TENM2: variants seen among roughly 807,000 people sequenced by gnomAD.
TENM2 encodes teneurin-2.
In TENM2, 52 loss-of-function variants were observed where a neutral mutation model predicts 245.2. That is an observed-to-expected ratio of 0.21 (90% CI 0.17 to 0.27). TENM2 has a LOEUF of 0.27. Ranked by LOEUF, TENM2 falls within the 10% of genes least tolerant of loss-of-function variation. TENM2 has a pLI of 1.00. For missense variants in TENM2, 3,046 were observed against 3,666.8 expected (o/e 0.83, Z 4.37); for synonymous variants, 1,363 against 1,438.9 (o/e 0.95, Z 1.19).
chr5:167,810,261 C>T (rs1040934253), intron 2 of TENM2, among the ~76,000 whole-genome samples: 1 of 151,994 alleles, frequency 6.6e-6, no homozygotes, highest in Non-Finnish European at 1.5e-5. Flanking sequence ...GACTCTGACA[C>T]TAATAGTATT....
chr5:167,640,880 T>TATATATATATATATCC (rs1779545432), intron 2 of TENM2, among the ~76,000 whole-genome samples: 1 of 62,966 alleles, frequency 1.6e-5, no homozygotes, highest in African/African-American at 1.2e-4. Context: ...TATATATATA[T>TATATATATATATATCC]ATATATATAT....
intron 2 of TENM2, among the ~76,000 whole-genome samples, chr5:167,593,596 C>T (rs1235159994): frequency 2.0e-5 from 3 of 152,150 alleles, no homozygotes; most frequent in East Asian, 1.9e-4. Flanking sequence ...TCTACCTATC[C>T]GGTAAGAGAA....
intron 4 of TENM2, among the ~76,000 whole-genome samples, chr5:167,959,949 C>G (rs1182614224): frequency 1.3e-5 from 2 of 152,174 alleles, no homozygotes; most frequent in African/African-American, 4.8e-5. Flanking sequence ...TCCAGTCAGG[C>G]CCCTCAGCTG....
chr5:167,801,109 AATATATAT>A (rs869282464), intron 2 of TENM2, among the ~76,000 whole-genome samples: 880 of 66,090 alleles, frequency 0.013, 8 homozygotes, highest in Non-Finnish European at 0.017. Context: ...AAAAAAAAAA[AATATATAT>A]ATATATATAT....
intron 2 of TENM2, among the ~76,000 whole-genome samples, chr5:167,776,734 T>C (rs2150805514): frequency 6.6e-6 from 1 of 151,822 alleles, no homozygotes; most frequent in African/African-American, 2.4e-5. Flanking sequence ...TGTGGGATTG[T>C]TTCTTTCTTG....
chr5:167,023,664 T>C, the TENM2 span, among the ~76,000 whole-genome samples: 1 of 152,234 alleles, frequency 6.6e-6, no homozygotes, highest in Non-Finnish European at 1.5e-5. Flanking sequence ...TAATCTCTTT[T>C]CATAACCACT....
In TENM2 at chr5:168,197,078, A is replaced by G. The variant is rs77411734; in HGVS notation, c.2901-1775A>G. Among the ~76,000 whole-genome samples the G allele has an allele frequency of 9.2e-5, 14 of 152,336 alleles. No homozygotes were observed. The East Asian group carries it at 2.7e-3, about 29-fold the overall frequency. On this transcript the variant is annotated intron_variant, in intron 15 of 28. Transcript: ENST00000518659. ...TATTCATGTTGATTCTACCGTGCCA[A>G]CTAGGAACAATTTTACTTCAAGACA... is the stretch of plus-strand genomic sequence containing the variant.
At chr5:167,317,221 T>G (rs1756416798) in intron 1 of TENM2, among the ~76,000 whole-genome samples, 1 of 152,202 alleles carries the variant, frequency 6.6e-6, no homozygotes, top group Non-Finnish European at 1.5e-5. Context: ...AGGTTCATGA[T>G]TCTTCCTATT....
intron 1 of TENM2, among the ~76,000 whole-genome samples, chr5:167,293,300 C>T (rs891156963): frequency 1.3e-5 from 2 of 151,932 alleles, no homozygotes; most frequent in African/African-American, 4.8e-5. Context: ...CTCCCAGGTT[C>T]AAGCGATTCT....
At chr5:167,110,189 A>G in the TENM2 span, among the ~76,000 whole-genome samples, 1 of 152,196 alleles carries the variant, frequency 6.6e-6, no homozygotes, top group African/African-American at 2.4e-5. Flanking sequence ...ATTGTCCACC[A>G]CTGAATCTGG....
chr5:167,101,907 TACAC>T, the TENM2 span, among the ~76,000 whole-genome samples: 1 of 120,758 alleles, frequency 8.3e-6, no homozygotes, highest in Admixed American at 9.8e-5. Flanking sequence ...ATAATATATA[TACAC>T]ACATATATAC....
chr5:168,147,525 C>A (rs1423789689), intron 12 of TENM2, among the ~76,000 whole-genome samples: 2 of 152,148 alleles, frequency 1.3e-5, no homozygotes, highest in Non-Finnish European at 2.9e-5. Context: ...GCCAAGAAAC[C>A]AAAATGATTC....
intron 2 of TENM2, among the ~76,000 whole-genome samples, chr5:167,702,759 G>A (rs927371449): frequency 3.1e-4 from 47 of 151,860 alleles, no homozygotes; most frequent in African/African-American, 1.1e-3. Flanking sequence ...CCGCCTCCTG[G>A]GCTCAAGCGA....
chr5:167,218,299 A>G, the TENM2 span, among the ~76,000 whole-genome samples: 1 of 152,180 alleles, frequency 6.6e-6, no homozygotes, highest in Non-Finnish European at 1.5e-5. Context: ...AAATTGTGCC[A>G]AGTGTCACAA....
intron 2 of TENM2, among the ~76,000 whole-genome samples, chr5:167,515,668 T>TATACACATATATAC (rs1562019088): frequency 2.5e-4 from 9 of 35,652 alleles, no homozygotes; most frequent in African/African-American, 4.0e-4. Context: ...TACGTATATA[T>TATACACATATATAC]GTGTATATAT....
At chr5:167,711,980 A>T (rs1236153472) in intron 2 of TENM2, among the ~76,000 whole-genome samples, 1 of 152,216 alleles carries the variant, frequency 6.6e-6, no homozygotes, top group African/African-American at 2.4e-5. Flanking sequence ...GTACAAATTC[A>T]AACTTATTTT....
chr5:167,113,315 T>A, the TENM2 span, among the ~76,000 whole-genome samples: 14 of 152,144 alleles, frequency 9.2e-5, no homozygotes, highest in African/African-American at 2.9e-4. Flanking sequence ...TCTCTTGGAT[T>A]GCCCTGAAGG....
chr5:167,632,857 AAACAT>A (rs921693652), intron 2 of TENM2, among the ~76,000 whole-genome samples: 1 of 152,206 alleles, frequency 6.6e-6, no homozygotes, highest in African/African-American at 2.4e-5. Flanking sequence ...ACAAACAAAC[AAACAT>A]AAGTTTAGAT....
At chr5:168,089,428 G>T (rs994703770) in intron 7 of TENM2, among the ~76,000 whole-genome samples, 4 of 151,976 alleles carry the variant, frequency 2.6e-5, no homozygotes, top group Non-Finnish European at 4.4e-5. Flanking sequence ...GCTCCCACTT[G>T]CCTGCTACAG....
Sources: gnomAD v4.1 joint callset for allele counts (sites outside exome capture counted in the v4.1 genomes callset) on GRCh38, gnomAD v4.1.1 for gene constraint, MANE v1.5 for transcripts, NCBI Gene and HGNC (gene_info 2026-07-23, HGNC 2026-07-21) for gene names.